Variants in MYO16 observed in about 807,000 individuals in gnomAD.
The protein encoded by MYO16 is unconventional myosin-XVI.
In MYO16, 94 loss-of-function variants were observed where a neutral mutation model predicts 205.3. The observed-to-expected ratio is 0.46, with a 90% CI of 0.39 to 0.54. The LOEUF (loss-of-function observed/expected upper bound fraction) is 0.54. Ranked by LOEUF, MYO16 falls within the 20% of genes least tolerant of loss-of-function variation. The pLI is 0.00. For synonymous variants in MYO16, 988 were observed against 954.0 expected, an observed-to-expected ratio of 1.04 and a Z score of -0.66; for missense variants, 2,315 against 2,387.5, an observed-to-expected ratio of 0.97 and a Z score of 0.63.
At chr13:108,521,011 C>CT in the MYO16 span, among the ~76,000 whole-genome samples, 12 of 152,320 alleles carry the variant, frequency 7.9e-5, no homozygotes, top group East Asian at 1.9e-3. Flanking sequence ...CTTTCTCCCT[C>CT]TTTCCCTCCT....
chr13:108,849,895 T>C (rs1180232319), intron 10 of MYO16, among the ~76,000 whole-genome samples: 1 of 151,138 alleles, frequency 6.6e-6, no homozygotes, highest in Admixed American at 6.6e-5. Flanking sequence ...TCTTTTTTTT[T>C]TTTTAACTCA....
chr13:109,157,465 C>T (rs1289254209), intron 32 of MYO16, among the ~76,000 whole-genome samples: 2 of 152,096 alleles, frequency 1.3e-5, no homozygotes, highest in Non-Finnish European at 2.9e-5. Flanking sequence ...CTCCACATTC[C>T]GTCCTCAACT....
intron 24 of MYO16, among the ~76,000 whole-genome samples, chr13:109,050,304 T>G (rs1314245833): frequency 6.6e-6 from 1 of 152,034 alleles, no homozygotes; most frequent in African/African-American, 2.4e-5. Flanking sequence ...TAGAAATCGC[T>G]CTGTTTGAGT....
chr13:109,195,618 T>G (rs940189017), intron 34 of MYO16, among the ~76,000 whole-genome samples: 4 of 152,182 alleles, frequency 2.6e-5, no homozygotes, highest in Admixed American at 1.3e-4. Context: ...AACACTAATA[T>G]TCACTATTCA....
chr13:108,679,515 C>A (rs1882369219), intron 2 of MYO16, among the ~76,000 whole-genome samples: 1 of 151,854 alleles, frequency 6.6e-6, no homozygotes, highest in South Asian at 2.1e-4. Context: ...GTAAAGGGAG[C>A]CTCTTCCTAA....
intron 2 of MYO16, among the ~76,000 whole-genome samples, chr13:108,687,271 G>C (rs76838540): frequency 2.0e-5 from 3 of 152,172 alleles, no homozygotes; most frequent in South Asian, 2.1e-4. Flanking sequence ...CTCGCCAGGG[G>C]TTTGATAAAT....
intron 4 of MYO16, among the ~76,000 whole-genome samples, chr13:108,730,046 G>A (rs1253850085): frequency 2.0e-5 from 3 of 152,142 alleles, no homozygotes; most frequent in South Asian, 4.1e-4. Flanking sequence ...TACATGAAAT[G>A]ACTCCCCTTC....
chr13:108,902,901 CA>C (rs1880777647), intron 15 of MYO16, among the ~76,000 whole-genome samples: 1 of 152,174 alleles, frequency 6.6e-6, no homozygotes, highest in Non-Finnish European at 1.5e-5. Context: ...ATTCTCAAAA[CA>C]AACAGTTCAT....
At chr13:108,846,527 G>GGA (rs10671518) in intron 10 of MYO16, among the ~76,000 whole-genome samples, 104,787 of 150,958 alleles carry the variant, frequency 0.69, 36,897 homozygotes, top group Middle Eastern at 0.75. Context: ...TATCCTTTGG[G>GGA]GGGGAATATT....
the MYO16 span, among the ~76,000 whole-genome samples, chr13:108,507,210 C>T: frequency 1.3e-5 from 2 of 152,040 alleles, no homozygotes; most frequent in Non-Finnish European, 2.9e-5. Flanking sequence ...TTTAACTTTG[C>T]CAGAGATCTT....
intron 27 of MYO16, among the ~76,000 whole-genome samples, chr13:109,081,085 CACAT>C (rs1888267753): frequency 6.6e-6 from 1 of 152,072 alleles, no homozygotes; most frequent in Non-Finnish European, 1.5e-5. Context: ...TAGATAAACA[CACAT>C]ACATAGACAT....
intron 21 of MYO16, among the ~76,000 whole-genome samples, chr13:109,000,888 C>A (rs1885189642): frequency 6.6e-6 from 1 of 151,822 alleles, no homozygotes; most frequent in Admixed American, 6.6e-5. Context: ...TTTTTGAAGA[C>A]CAATTCTTCA....
At chr13:109,072,114 A>G (rs1406384291) in intron 27 of MYO16, among the ~76,000 whole-genome samples, 1 of 152,190 alleles carries the variant, frequency 6.6e-6, no homozygotes, top group African/African-American at 2.4e-5. Context: ...ATCTCAAAAC[A>G]GCTTCTGTGC....
At chr13:109,121,381 C>T (rs570731671) in intron 29 of MYO16, among the ~76,000 whole-genome samples, 1 of 152,310 alleles carries the variant, frequency 6.6e-6, no homozygotes, top group South Asian at 2.1e-4. Flanking sequence ...TCTGATGACA[C>T]AGGTGTACTA....
At chr13:108,529,793 C>G in the MYO16 span, among the ~76,000 whole-genome samples, 3 of 152,128 alleles carry the variant, frequency 2.0e-5, no homozygotes, top group African/African-American at 7.2e-5. Flanking sequence ...TACTGAACAC[C>G]TCTTATGATC....
At position 108,898,351 on chromosome 13, in the gene MYO16, A is replaced by AGTGTGTGTGTGTGTGTGTGT. The variant is rs3042037; in HGVS notation, c.1777+237_1777+256dup. Among the ~76,000 whole-genome samples, 462 of 145,084 alleles carry AGTGTGTGTGTGTGTGTGTGT rather than the reference A, an allele frequency of 3.2e-3. 7 individuals carry two copies. Among genetic ancestry groups the AGTGTGTGTGTGTGTGTGTGT allele is most frequent in the East Asian group, 5.8e-3 (28 of 4,868 alleles). ...TCAGGCACTCAGTTGAGGGTGTGTG[A>AGTGTGTGTGTGTGTGTGTGT]GTGTGTGTGTGTGTGTGTGTGTGTG... On this transcript the variant is annotated intron_variant, in intron 15 of 34. Coordinates refer to ENST00000457511, the MANE Select transcript of MYO16 (RefSeq NM_001198950.3).
At chr13:108,503,095 G>A in the MYO16 span, among the ~76,000 whole-genome samples, 1 of 152,252 alleles carries the variant, frequency 6.6e-6, no homozygotes, top group South Asian at 2.1e-4. Context: ...AGATATATAA[G>A]CATTCAGATC....
At chr13:108,897,932 TTA>T in intron 14 of MYO16, 82 bp from the exon 15 acceptor site, 1 of 1,067,772 alleles carries the variant, frequency 9.4e-7, no homozygotes, top group East Asian at 2.4e-5. Flanking sequence ...CCAAGAAGTA[TTA>T]TTCACTGCAT....
At chr13:108,552,527 C>A in the MYO16 span, among the ~76,000 whole-genome samples, 1 of 152,178 alleles carries the variant, frequency 6.6e-6, no homozygotes, top group Non-Finnish European at 1.5e-5. Flanking sequence ...ATCTTGCAAA[C>A]TACCAGCTTA....
Sources: allele counts gnomAD v4.1 joint callset (sites outside exome capture counted in the v4.1 genomes callset), GRCh38; gene constraint gnomAD v4.1.1; transcripts MANE v1.5; gene names NCBI Gene and HGNC (gene_info 2026-07-23, HGNC 2026-07-21).